CD109: variants seen among roughly 807,000 people sequenced by gnomAD.
The protein encoded by CD109 is CD109 antigen.
CD109 carries 149 observed loss-of-function variants against 165.8 expected under a neutral mutation model. That is an observed-to-expected ratio of 0.90 (90% CI 0.79 to 1.03). The LOEUF is 1.03. Among genes scored for constraint, CD109 ranks in the 50% least tolerant of loss-of-function variants. CD109 has a pLI of 0.00. For missense variants in CD109, 1,712 were observed against 1,677.8 expected, an observed-to-expected ratio of 1.02 and a Z score of -0.36; for synonymous variants, 585 against 592.1, an observed-to-expected ratio of 0.99 and a Z score of 0.18.
intron 4 of CD109, among the ~76,000 whole-genome samples, chr6:73,734,260 C>T (rs1045304609): frequency 6.6e-6 from 1 of 152,182 alleles, no homozygotes. Context: ...CCCCCAGGTA[C>T]AAAGCCATCA....
chr6:73,777,612 G>A (rs1774301303), intron 15 of CD109, among the ~76,000 whole-genome samples: 1 of 152,186 alleles, frequency 6.6e-6, no homozygotes, highest in Non-Finnish European at 1.5e-5. Context: ...AAGGGGTCCA[G>A]TTTCAGTCTT....
chr6:73,823,399 C>G (rs1023234177), intron 32 of CD109, 59 bp from the exon 33 acceptor site: 3 of 1,358,196 alleles, frequency 2.2e-6, no homozygotes, highest in Non-Finnish European at 2.0e-6. Flanking sequence ...TATATTTTGG[C>G]AAAGTCAATG....
intron 31 of CD109, among the ~76,000 whole-genome samples, chr6:73,819,499 A>T (rs1437840460): frequency 1.3e-5 from 2 of 152,196 alleles, no homozygotes; most frequent in Non-Finnish European, 2.9e-5. Context: ...AGGATTTCAT[A>T]TTACATGGGT....
At chr6:73,699,540 GTC>G (rs1434946444) in intron 2 of CD109, among the ~76,000 whole-genome samples, 5 of 152,090 alleles carry the variant, frequency 3.3e-5, no homozygotes, top group African/African-American at 1.2e-4. Context: ...TCTGTTATCA[GTC>G]TCTCTTTTTT....
intron 22 of CD109, among the ~76,000 whole-genome samples, chr6:73,791,180 C>T (rs7767657): frequency 0.35 from 17,186 of 49,254 alleles, 3,160 homozygotes; most frequent in Admixed American, 0.45. Context: ...TATATATACA[C>T]ACACACACAT....
intron 4 of CD109, among the ~76,000 whole-genome samples, chr6:73,735,186 A>G (rs1032906824): frequency 6.6e-6 from 1 of 152,188 alleles, no homozygotes; most frequent in African/African-American, 2.4e-5. Flanking sequence ...GGCCTTGTAA[A>G]CTAGGCAAAG....
intron 15 of CD109, among the ~76,000 whole-genome samples, chr6:73,775,947 T>G (rs963861630): frequency 1.3e-5 from 2 of 152,234 alleles, no homozygotes; most frequent in African/African-American, 4.8e-5. Flanking sequence ...ATTCCATGTC[T>G]TTGCTTTTGT....
chr6:73,779,684 G>A lies in CD109; in HGVS notation c.1828-740G>A, dbSNP rs149479878. 1.1e-3 allele frequency among the ~76,000 whole-genome samples: 171 copies of A among 152,006 alleles called. 1 individual carries two copies. Among genetic ancestry groups the A allele is most frequent in the African/African-American group, 3.9e-3 (162 of 41,444 alleles). ...TACTGTAACTATTGCTGCAATGAAC[G>A]GTGGCATACAAGTATCTCTTGGAGT... On this transcript the variant is annotated intron_variant, in intron 15 of 32. Coordinates refer to ENST00000287097, the MANE Select transcript of CD109 (RefSeq NM_133493.5).
At chr6:73,821,467 G>A (rs941530148) in intron 32 of CD109, among the ~76,000 whole-genome samples, 2 of 152,070 alleles carry the variant, frequency 1.3e-5, no homozygotes, top group African/African-American at 4.8e-5. Context: ...ACAGGTCATC[G>A]ACCTAGGTGC....
intron 15 of CD109, 25 bp downstream of exon 15, chr6:73,771,606 T>G (rs563188080): frequency 1.3e-6 from 2 of 1,489,674 alleles, no homozygotes; most frequent in South Asian, 1.3e-5. Flanking sequence ...TTTTTCATTA[T>G]GAAAATATGT....
At chr6:73,695,544 T>C (rs933065574), upstream of CD109, 2 of 152,214 alleles carry the variant, frequency 1.3e-5, no homozygotes, top group Non-Finnish European at 2.9e-5. Context: ...CTTCTTCTTT[T>C]TTTTTTTAAG....
rs970746276 is a variant in CD109, at chr6:73,824,142, T to C, written c.*509T>C. 1 of 147,598 alleles carries C rather than the reference T, an allele frequency of 6.8e-6. No homozygotes were observed. The highest frequency in any genetic ancestry group is 2.5e-5 in the African/African-American group (1 of 40,392). The allele number at this position is 147,598 out of a possible 1,614,324, so 9.1% of individuals were successfully genotyped here. A position where few individuals can be genotyped will look rare whatever the true frequency, so the allele number is the denominator to read the frequency against. ...CCCAGTGGTCTCAGTAGATACTTCTTAACTGGAAATTCTTTCTTTTCAGAA... is the reference window on the plus strand; with the variant it reads ...CCCAGTGGTCTCAGTAGATACTTCTCAACTGGAAATTCTTTCTTTTCAGAA... On this transcript the variant is annotated 3_prime_UTR_variant, in exon 33 of 33. Transcript: ENST00000287097.
chr6:73,805,608 C>T (rs954123460), intron 24 of CD109, among the ~76,000 whole-genome samples: 1 of 152,206 alleles, frequency 6.6e-6, no homozygotes, highest in Non-Finnish European at 1.5e-5. Flanking sequence ...AGGTCTTTCC[C>T]TTCCCACGAG....
intron 24 of CD109, among the ~76,000 whole-genome samples, chr6:73,804,394 A>G (rs1030667475): frequency 5.3e-4 from 81 of 152,344 alleles, no homozygotes; most frequent in African/African-American, 1.9e-3. Context: ...TTTTCTGTAA[A>G]GGGTCAGATT....
At chr6:73,704,952 T>G (rs747299729) in intron 2 of CD109, among the ~76,000 whole-genome samples, 2 of 152,210 alleles carry the variant, frequency 1.3e-5, no homozygotes, top group Non-Finnish European at 2.9e-5. Context: ...CTTCCAGAGC[T>G]ATACAGATGT....
chr6:73,701,254 A>G (rs1771067419), intron 2 of CD109, among the ~76,000 whole-genome samples: 1 of 152,174 alleles, frequency 6.6e-6, no homozygotes, highest in Non-Finnish European at 1.5e-5. Flanking sequence ...CACTGCCTCT[A>G]CCACTATCAG....
Position 73,736,514 on chromosome 6 carries a change from T to C in CD109, c.633+6T>C, listed in dbSNP as rs1478940988. 6.2e-7 allele frequency: 1 copy of C among 1,603,926 alleles called. No individual in the cohort carries two copies. The highest frequency in any genetic ancestry group is 2.3e-5 in the East Asian group (1 of 44,228). ...CTATTCAAGTTCAAGTGAATGTGAG[T>C]ATAAATATATTTTTTGGGGGGAATG... On this transcript the variant is annotated splice_donor_region_variant and intron_variant, in intron 5 of 32. Coordinates refer to ENST00000287097, the MANE Select transcript of CD109 (RefSeq NM_133493.5).
chr6:73,727,735 ACATAT>A (rs1772194436), intron 3 of CD109, among the ~76,000 whole-genome samples: 2 of 152,196 alleles, frequency 1.3e-5, no homozygotes, highest in African/African-American at 4.8e-5. Context: ...AAAATGATAA[ACATAT>A]CAAATCAGGA....
intron 4 of CD109, among the ~76,000 whole-genome samples, chr6:73,734,387 G>T (rs1296077226): frequency 6.6e-6 from 1 of 152,126 alleles, no homozygotes; most frequent in African/African-American, 2.4e-5. Context: ...AAGAATTATT[G>T]TTATTATTAT....
Sources: gnomAD v4.1 joint callset for allele counts (sites outside exome capture counted in the v4.1 genomes callset) on GRCh38, gnomAD v4.1.1 for gene constraint, MANE v1.5 for transcripts, NCBI Gene and HGNC (gene_info 2026-07-23, HGNC 2026-07-21) for gene names.